URM1: variants seen among roughly 807,000 people sequenced by gnomAD.
URM1 encodes ubiquitin-related modifier 1.
In URM1, 11 loss-of-function variants were observed where a neutral mutation model predicts 17.7. The ratio of observed to expected loss-of-function variants is 0.62; its 90% CI spans 0.39 to 1.03. URM1 has a LOEUF of 1.03. Among genes scored for constraint, URM1 ranks in the 50% least tolerant of loss-of-function variants. The pLI is 0.00. For missense variants in URM1, 128 were observed against 129.2 expected (o/e 0.99, Z 0.04); for synonymous variants, 48 against 50.6 (o/e 0.95, Z 0.22).
At chr9:128,375,526 T>C (rs1304712465) in intron 1 of URM1, among the ~76,000 whole-genome samples, 2 of 151,752 alleles carry the variant, frequency 1.3e-5, no homozygotes, top group Non-Finnish European at 2.9e-5. Flanking sequence ...GCCTGGGCAA[T>C]AGAGTGAGAC....
intron 2 of URM1, among the ~76,000 whole-genome samples, chr9:128,386,993 T>A (rs1833237115): frequency 6.6e-6 from 1 of 152,222 alleles, no homozygotes; most frequent in Non-Finnish European, 1.5e-5. Flanking sequence ...TCGAGGTGTT[T>A]ATAGAGCCAC....
rs1833272654 is a variant in URM1, at chr9:128,389,329, T to A, written c.237+20T>A. The A allele has an allele frequency of 8.1e-6, 13 of 1,613,836 alleles. No individual in the cohort carries two copies. Among genetic ancestry groups the A allele is most frequent in the African/African-American group, 5.3e-5 (4 of 75,000 alleles). On this transcript the variant is annotated intron_variant, in intron 4 of 4. Transcript: ENST00000372853. ...CTACTGGTCAGTACCTTGGGGGACA[T>A]CCCTCCCCCAGCCCCTGCCCTTGCT...
rs2240944 is a variant in URM1, at chr9:128,391,327, C to T, written c.*1593C>T. On this transcript the variant is annotated 3_prime_UTR_variant, in exon 5 of 5. Coordinates refer to ENST00000372853, the MANE Select transcript of URM1 (RefSeq NM_030914.4). Reference sequence around the variant, plus strand: ...GACCTGCTGGCTGGTGGGCTTTTCTCCAGGACTACTGCAGGTAGAGACCCT... The same window carrying T: ...GACCTGCTGGCTGGTGGGCTTTTCTTCAGGACTACTGCAGGTAGAGACCCT... 0.043 allele frequency: 6,611 copies of T among 152,308 alleles called. 259 individuals carry two copies. The highest frequency in any genetic ancestry group is 0.18 in the East Asian group (948 of 5,178). 9.4% of individuals were successfully genotyped at this position (152,308 alleles called of 1,614,324 possible).
chr9:128,378,003 C>T (rs1489725778), intron 1 of URM1, 33 bp from the exon 2 acceptor site: 2 of 1,609,490 alleles, frequency 1.2e-6, no homozygotes, highest in African/African-American at 2.7e-5. Flanking sequence ...AGGAGCTCAC[C>T]TGGCTGTCTT....
At chr9:128,380,911 G>A (rs1305488774) in intron 2 of URM1, among the ~76,000 whole-genome samples, 6 of 151,944 alleles carry the variant, frequency 3.9e-5, no homozygotes, top group African/African-American at 1.5e-4. Flanking sequence ...TGCAAGCTCC[G>A]CCTCCCGGGT....
At chr9:128,389,386 A>C in intron 4 of URM1, 77 bp downstream of exon 4, 1 of 1,613,304 alleles carries the variant, frequency 6.2e-7, no homozygotes, top group African/African-American at 1.3e-5. Context: ...GCCTCTCCTC[A>C]GGCACATATA....
chr9:128,389,264 G>T lies in URM1; in HGVS notation c.192G>T (p.Arg64=), dbSNP rs372448639. Residue 64 remains arginine (R), a synonymous_variant, in exon 4 of 5, where the codon CGG becomes CGT. Coordinates refer to ENST00000372853, the MANE Select transcript of URM1 (RefSeq NM_030914.4). ...CTCACCACCATCTTTCCCACAGGCG[G>T]CCAGGAATTCTGGTGCTGATTAACG... ...PELFIQGDSV[R]PGILVLINDA... is the part of the protein sequence containing the mutation. 1 of 1,597,652 alleles carries T rather than the reference G, an allele frequency of 6.3e-7. No individual in the cohort carries two copies. The highest frequency in any genetic ancestry group is 8.6e-7 in the Non-Finnish European group (1 of 1,169,250).
intron 2 of URM1, among the ~76,000 whole-genome samples, chr9:128,379,718 T>C (rs540359926): frequency 6.6e-6 from 1 of 151,712 alleles, no homozygotes; most frequent in Non-Finnish European, 1.5e-5. Flanking sequence ...GAGAATTGCT[T>C]AAACCTAAAG....
intron 1 of URM1, among the ~76,000 whole-genome samples, chr9:128,372,852 C>G (rs1470062323): frequency 6.6e-6 from 1 of 151,722 alleles, no homozygotes; most frequent in Admixed American, 6.6e-5. Flanking sequence ...GGCAGGAGGA[C>G]TGCTTGAGCC....
chr9:128,380,493 C>A (rs1833144659), intron 2 of URM1, among the ~76,000 whole-genome samples: 1 of 152,076 alleles, frequency 6.6e-6, no homozygotes, highest in Admixed American at 6.6e-5. Flanking sequence ...CTTGGGAGGG[C>A]ACATGGTGCT....
In URM1 at chr9:128,390,212, C is replaced by A. The variant is rs1480790033; in HGVS notation, c.*478C>A. ...AGCCTCAATTTCCCTGTCTGTACAG[C>A]TGAGGGCTCTGCCTGTCCCCCACTG... On this transcript the variant is annotated 3_prime_UTR_variant, in exon 5 of 5. Coordinates refer to ENST00000372853, the MANE Select transcript of URM1 (RefSeq NM_030914.4). 1 of 167,238 alleles carries A rather than the reference C, an allele frequency of 6.0e-6. No homozygotes were observed. The highest frequency in any genetic ancestry group is 1.3e-5 in the Non-Finnish European group (1 of 77,896). The allele number at this position is 167,238 out of a possible 1,614,324, so 10.4% of individuals were successfully genotyped here.
chr9:128,382,479 C>T (rs908419131), intron 2 of URM1, among the ~76,000 whole-genome samples: 6 of 152,106 alleles, frequency 3.9e-5, no homozygotes, highest in Admixed American at 1.3e-4. Context: ...TAATAGCAGC[C>T]GTAAGATTTC....
In URM1 at chr9:128,387,953, G is replaced by A. The variant is rs1833250071; in HGVS notation, c.188+56G>A. 1 of 1,610,100 alleles carries A rather than the reference G, an allele frequency of 6.2e-7. No individual in the cohort carries two copies. The highest frequency in any genetic ancestry group is 8.5e-7 in the Non-Finnish European group (1 of 1,178,202). ...GGTGGAGGGAGGGACGGATATTTGA[G>A]CCCCCACCCTCGGGTTCAGTCCTGG... is the stretch of plus-strand genomic sequence containing the variant. On this transcript the variant is annotated intron_variant, in intron 3 of 4. Coordinates refer to ENST00000372853, the MANE Select transcript of URM1 (RefSeq NM_030914.4). The surrounding 1 kb of genome is among the most constrained non-coding windows in gnomAD (Gnocchi z 4.3).
At chr9:128,379,895 C>G (rs1292559257) in intron 2 of URM1, among the ~76,000 whole-genome samples, 1 of 152,088 alleles carries the variant, frequency 6.6e-6, no homozygotes, top group African/African-American at 2.4e-5. Context: ...GGAGGATTAC[C>G]TGAGCCCAGG....
intron 1 of URM1, among the ~76,000 whole-genome samples, chr9:128,377,771 G>C (rs1250275500): frequency 4.6e-5 from 7 of 152,178 alleles, no homozygotes; most frequent in African/African-American, 1.7e-4. Context: ...TGAACAGGAA[G>C]GTCTCTTGAA....
chr9:128,378,707 C>A (rs1280595284), intron 2 of URM1, among the ~76,000 whole-genome samples: 1 of 151,996 alleles, frequency 6.6e-6, no homozygotes, highest in Non-Finnish European at 1.5e-5. Context: ...GTGATCCCAG[C>A]ACTTTGGGGG....
intron 1 of URM1, among the ~76,000 whole-genome samples, chr9:128,371,720 C>T (rs1231998250): frequency 6.6e-6 from 1 of 152,208 alleles, no homozygotes; most frequent in Non-Finnish European, 1.5e-5. Context: ...TTTTCCATTC[C>T]TATCTCGGAC....
chr9:128,377,401 G>A lies in URM1; in HGVS notation c.36-635G>A, dbSNP rs769599941. 5.3e-5 allele frequency among the ~76,000 whole-genome samples: 8 copies of A among 152,092 alleles called. No individual in the cohort carries two copies. The South Asian group carries it at 1.0e-3, about 20-fold the overall frequency. On this transcript the variant is annotated intron_variant, in intron 1 of 4. Transcript: ENST00000372853. ...GATTAACCTGATATGGGCCAGGCGCGGTGGCTCATGACTGTAATTCCAGCA... is the reference window on the plus strand; with the variant it reads ...GATTAACCTGATATGGGCCAGGCGCAGTGGCTCATGACTGTAATTCCAGCA...
At chr9:128,376,717 T>C in intron 1 of URM1, among the ~76,000 whole-genome samples, 1 of 151,778 alleles carries the variant, frequency 6.6e-6, no homozygotes, top group East Asian at 1.9e-4. Context: ...CCAGGCACAG[T>C]GACTCATGCT....
Sources: gnomAD v4.1 joint callset for allele counts (sites outside exome capture counted in the v4.1 genomes callset) on GRCh38, gnomAD v4.1.1 for gene constraint, Gnocchi (gnomAD v3.1) non-coding constraint, MANE v1.5 for transcripts, NCBI Gene and HGNC (gene_info 2026-07-23, HGNC 2026-07-21) for gene names.